Variants in PMF1 observed in about 807,000 individuals in gnomAD.
The protein encoded by PMF1 is polyamine-modulated factor 1.
A neutral mutation model predicts 26.7 loss-of-function variants in PMF1; 21 were observed. That is an observed-to-expected ratio of 0.79 (90% CI 0.56 to 1.13). The LOEUF is 1.13. PMF1 is among the 50% of genes most tolerant of loss of function. PMF1 has a pLI of 0.00. For synonymous variants in PMF1, 105 were observed against 101.0 expected, an observed-to-expected ratio of 1.04 and a Z score of -0.24; for missense variants, 266 against 254.9, an observed-to-expected ratio of 1.04 and a Z score of -0.30.
chr1:156,234,847 A>G (rs1658915649), intron 3 of PMF1, among the ~76,000 whole-genome samples: 1 of 152,010 alleles, frequency 6.6e-6, no homozygotes, highest in Non-Finnish European at 1.5e-5. Context: ...AGCAGTGAAC[A>G]AGACAGACCA....
chr1:156,216,737 T>TCCGTG (rs1336212444), intron 1 of PMF1, among the ~76,000 whole-genome samples: 3 of 147,576 alleles, frequency 2.0e-5, no homozygotes, highest in Non-Finnish European at 4.4e-5. Flanking sequence ...CCCCACTGGC[T>TCCGTG]CCGTGCCGTG....
intron 1 of PMF1, among the ~76,000 whole-genome samples, chr1:156,226,548 C>G (rs1160122080): frequency 6.6e-6 from 1 of 152,218 alleles, no homozygotes; most frequent in Non-Finnish European, 1.5e-5. Context: ...GACTTCTGTA[C>G]TTCAGAAGGG....
chr1:156,239,652 G>A lies in PMF1; in HGVS notation c.*51G>A. ...GGGCAGTCAAGGTCAAGAGCCTGTG[G>A]TCCAGCATGCCTGGCCTGGGCGGGC... On this transcript the variant is annotated 3_prime_UTR_variant, in exon 5 of 5. Transcript: ENST00000368277. The A allele has an allele frequency of 1.3e-6, 2 of 1,506,236 alleles. No homozygotes were observed. The highest frequency in any genetic ancestry group is 9.2e-7 in the Non-Finnish European group (1 of 1,084,156). The allele number at this position is 1,506,236 out of a possible 1,614,324, so 93.3% of individuals were successfully genotyped here. A position where few individuals can be genotyped will look rare whatever the true frequency, so the allele number is the denominator to read the frequency against.
In PMF1 at chr1:156,239,664, T is replaced by A; in HGVS notation, c.*63T>A. 3 of 1,408,060 alleles carry A rather than the reference T, an allele frequency of 2.1e-6. No homozygotes were observed. The highest frequency in any genetic ancestry group is 3.0e-6 in the Non-Finnish European group (3 of 996,430). 87.2% of individuals were successfully genotyped at this position (1,408,060 alleles called of 1,614,324 possible). On this transcript the variant is annotated 3_prime_UTR_variant, in exon 5 of 5. Transcript: ENST00000368277. ...TCAAGAGCCTGTGGTCCAGCATGCC[T>A]GGCCTGGGCGGGCTACCTCTGAGAA...
At chr1:156,215,099 G>A (rs889783366) in intron 1 of PMF1, among the ~76,000 whole-genome samples, 1 of 116,766 alleles carries the variant, frequency 8.6e-6, no homozygotes, top group African/African-American at 4.4e-5. Flanking sequence ...GGCTGGTCTC[G>A]AACTGAGCTC....
rs761418864 is a variant in PMF1, at chr1:156,233,613, C to G, written c.268-15C>G. On this transcript the variant is annotated splice_polypyrimidine_tract_variant and intron_variant, in intron 2 of 4. Transcript: ENST00000368277. ...CATCTCGTGTCATTACAGCTCTTTC[C>G]TCCTTTCTCTTCAGGAGGAAATCTC... 6.2e-7 allele frequency: 1 copy of G among 1,612,826 alleles called. No individual in the cohort carries two copies.
intron 3 of PMF1, among the ~76,000 whole-genome samples, chr1:156,235,582 C>T (rs1342343991): frequency 6.6e-6 from 1 of 151,220 alleles, no homozygotes; most frequent in East Asian, 1.9e-4. Flanking sequence ...GCTGGGACTA[C>T]AGGCACCCAA....
In PMF1 at chr1:156,232,323, C is replaced by T; in HGVS notation, c.165C>T (p.Tyr55=). The change falls in exon 2 of 5, where the codon TAC becomes TAT. Residue 55 remains tyrosine, a synonymous_variant. Coordinates refer to ENST00000368277, the MANE Select transcript of PMF1 (RefSeq NM_007221.4). ...FLQKLVAAGS[Y]QRFTDCYKCF... ...TTGCTTCTCTCCTTCCCGCCAGCTA[C>T]CAGAGATTCACTGACTGCTATAAGT... 1 of 1,613,970 alleles carries T rather than the reference C, an allele frequency of 6.2e-7. No individual in the cohort carries two copies. The highest frequency in any genetic ancestry group is 8.5e-7 in the Non-Finnish European group (1 of 1,179,864).
At chr1:156,229,561 C>T (rs1012117220) in intron 1 of PMF1, among the ~76,000 whole-genome samples, 13 of 137,658 alleles carry the variant, frequency 9.4e-5, no homozygotes, top group African/African-American at 2.7e-4. Context: ...TCTTTAGGAC[C>T]TTTGTTTTGT....
intron 1 of PMF1, among the ~76,000 whole-genome samples, chr1:156,218,981 C>T (rs1419026767): frequency 4.0e-5 from 6 of 151,172 alleles, no homozygotes; most frequent in African/African-American, 1.2e-4. Context: ...AGTGCAGTGG[C>T]GTGATCTTGG....
intron 1 of PMF1, among the ~76,000 whole-genome samples, chr1:156,221,323 C>T (rs768605111): frequency 2.6e-5 from 4 of 152,202 alleles, no homozygotes; most frequent in Non-Finnish European, 4.4e-5. Flanking sequence ...TTGGCATCTG[C>T]ACTTGCTGTT....
At chr1:156,217,241 AAAAAG>A (rs1267265767) in intron 1 of PMF1, among the ~76,000 whole-genome samples, 2 of 121,914 alleles carry the variant, frequency 1.6e-5, no homozygotes, top group South Asian at 2.3e-4. Flanking sequence ...AATAAAAAAA[AAAAAG>A]AAAAAAAAAA....
intron 1 of PMF1, 31 bp from the exon 2 acceptor site, chr1:156,232,289 T>G (rs921602027): frequency 6.2e-7 from 1 of 1,609,840 alleles, no homozygotes; most frequent in African/African-American, 1.3e-5. Context: ...TGCTTGGCCC[T>G]CCCCACCTTT....
intron 4 of PMF1, chr1:156,237,188 C>G (rs1239075539): frequency 6.6e-6 from 1 of 152,434 alleles, no homozygotes; most frequent in Non-Finnish European, 1.5e-5. Context: ...TCCTGAATAG[C>G]TGGGATTACA....
Position 156,236,494 on chromosome 1 carries a change from C to G in PMF1, c.564+11C>G. ...CAGCAGGCCTGGCAGGTCAGTGTCC[C>G]AGCCTGCCTCTTCCTCTTCCTTCTC... On this transcript the variant is annotated intron_variant, in intron 4 of 4. Transcript: ENST00000368277. 6.3e-7 allele frequency: 1 copy of G among 1,595,902 alleles called. No individual in the cohort carries two copies. Among genetic ancestry groups the G allele is most frequent in the Non-Finnish European group, 8.5e-7 (1 of 1,170,408 alleles).
intron 4 of PMF1, among the ~76,000 whole-genome samples, chr1:156,238,538 C>T (rs1428029632): frequency 6.6e-6 from 1 of 152,190 alleles, no homozygotes; most frequent in Admixed American, 6.5e-5. Flanking sequence ...GCTCAAGTGG[C>T]GGCATCTCTG....
intron 1 of PMF1, among the ~76,000 whole-genome samples, chr1:156,221,075 G>C (rs1234973804): frequency 6.6e-6 from 1 of 152,108 alleles, no homozygotes; most frequent in Non-Finnish European, 1.5e-5. Context: ...CCCTTTACCT[G>C]ACTAGCTGCT....
intron 1 of PMF1, chr1:156,225,425 A>C: frequency 1.7e-6 from 1 of 600,190 alleles, no homozygotes; most frequent in Non-Finnish European, 3.1e-6. Flanking sequence ...TATACCCAGT[A>C]TGTAGTCTTT....
At chr1:156,236,773 C>T (rs560886400) in intron 4 of PMF1, 165 of 438,194 alleles carry the variant, frequency 3.8e-4, no homozygotes, top group Middle Eastern at 1.2e-3. Context: ...AAGGTAACAG[C>T]GCCTCCACAT....
Sources: gnomAD v4.1 joint callset for allele counts (sites outside exome capture counted in the v4.1 genomes callset) on GRCh38, gnomAD v4.1.1 for gene constraint, MANE v1.5 for transcripts, NCBI Gene and HGNC (gene_info 2026-07-23, HGNC 2026-07-21) for gene names.